The following BCKDHB variants were observed in gnomAD, a reference collection of about 807,000 sequenced individuals.
BCKDHB encodes the protein 2-oxoisovalerate dehydrogenase subunit beta, mitochondrial.
A neutral mutation model predicts 48.5 loss-of-function variants in BCKDHB; 41 were observed. The observed-to-expected ratio is 0.85, with a 90% CI of 0.66 to 1.10. The LOEUF (loss-of-function observed/expected upper bound fraction) is 1.10, where lower values mean the gene tolerates loss of function less well. Ranked by LOEUF, BCKDHB falls within the 50% of genes least tolerant of loss-of-function variation. The pLI, the probability that BCKDHB is intolerant of heterozygous loss-of-function variation, is 0.00. For missense variants in BCKDHB, 496 were observed against 494.2 expected (o/e 1.00, Z -0.03); for synonymous variants, 201 against 174.8 (o/e 1.15, Z -1.18).
intron 6 of BCKDHB, among the ~76,000 whole-genome samples, chr6:80,189,658 C>T (rs1433501794): frequency 6.6e-6 from 1 of 151,940 alleles, no homozygotes; most frequent in Non-Finnish European, 1.5e-5. Flanking sequence ...TTAGGTCTGC[C>T]CATACTTAGA....
chr6:80,192,978 C>T (rs1004378781), intron 6 of BCKDHB, among the ~76,000 whole-genome samples: 1 of 151,998 alleles, frequency 6.6e-6, no homozygotes, highest in Non-Finnish European at 1.5e-5. Flanking sequence ...GCCACCATGC[C>T]TGGCTAATTT....
the BCKDHB span, among the ~76,000 whole-genome samples, chr6:80,406,476 T>G: frequency 6.6e-6 from 1 of 152,224 alleles, no homozygotes; most frequent in Non-Finnish European, 1.5e-5. Flanking sequence ...CCACCAACAG[T>G]GTAAAAGCAT....
At chr6:80,223,068 T>A (rs1264356221) in intron 8 of BCKDHB, among the ~76,000 whole-genome samples, 2 of 152,024 alleles carry the variant, frequency 1.3e-5, no homozygotes, top group East Asian at 3.9e-4. Flanking sequence ...AAAAGAAAAA[T>A]CTGTTAAAAG....
chr6:80,383,645 C>T, the BCKDHB span, among the ~76,000 whole-genome samples: 1 of 151,526 alleles, frequency 6.6e-6, no homozygotes, highest in African/African-American at 2.4e-5. Flanking sequence ...TTCAAAATAT[C>T]CAATCTCTTG....
chr6:80,378,647 A>G, the BCKDHB span, among the ~76,000 whole-genome samples: 1 of 152,080 alleles, frequency 6.6e-6, no homozygotes, highest in Non-Finnish European at 1.5e-5. Flanking sequence ...CTTTAGGTAG[A>G]TACCCAGTAG....
chr6:80,178,298 T>C (rs1373151938), intron 6 of BCKDHB, among the ~76,000 whole-genome samples: 1 of 152,230 alleles, frequency 6.6e-6, no homozygotes, highest in Non-Finnish European at 1.5e-5. Flanking sequence ...CTCCATTTAA[T>C]CTCATTTTAA....
intron 9 of BCKDHB, among the ~76,000 whole-genome samples, chr6:80,341,811 A>T (rs3805852): frequency 0.78 from 117,986 of 152,056 alleles, 46,148 homozygotes; most frequent in Admixed American, 0.84. Context: ...AAAACAGCCC[A>T]GTGTCAGCTA....
chr6:80,402,278 T>C, the BCKDHB span, among the ~76,000 whole-genome samples: 4 of 151,836 alleles, frequency 2.6e-5, no homozygotes, highest in African/African-American at 9.7e-5. Flanking sequence ...ATCAATACTT[T>C]TTATCTTTTG....
At position 80,335,032 on chromosome 6, in the gene BCKDHB, T is replaced by G. The variant is rs545011032; in HGVS notation, c.1039-8632T>G. Among the ~76,000 whole-genome samples, 7 of 151,980 alleles carry G rather than the reference T, an allele frequency of 4.6e-5. No homozygotes were observed. The South Asian group carries it at 1.5e-3, about 32-fold the overall frequency. Reference sequence around the variant, plus strand: ...TTCGTTTTGTAATTAGTCTTCAAACTTAAAAACAGGTTGCAAAATTGGGAC... The same window carrying G: ...TTCGTTTTGTAATTAGTCTTCAAACGTAAAAACAGGTTGCAAAATTGGGAC... On this transcript the variant is annotated intron_variant, in intron 9 of 9. Coordinates refer to ENST00000320393, the MANE Select transcript of BCKDHB (RefSeq NM_183050.4).
chr6:80,413,401 AT>A, the BCKDHB span, among the ~76,000 whole-genome samples: 2 of 152,302 alleles, frequency 1.3e-5, no homozygotes, highest in African/African-American at 4.8e-5. Context: ...TCATTCACAT[AT>A]TAAGTCCAGA....
At chr6:80,426,746 G>C in the BCKDHB span, among the ~76,000 whole-genome samples, 2 of 151,988 alleles carry the variant, frequency 1.3e-5, no homozygotes, top group Non-Finnish European at 2.9e-5. Context: ...CCAGAATATA[G>C]TTTATTTTGT....
At chr6:80,118,878 G>A (rs1402317551) in intron 1 of BCKDHB, among the ~76,000 whole-genome samples, 4 of 152,142 alleles carry the variant, frequency 2.6e-5, no homozygotes, top group Admixed American at 2.6e-4. Context: ...CTCATCCATT[G>A]AAGTTTTATC....
chr6:80,322,873 A>G (rs1768806950), intron 9 of BCKDHB, among the ~76,000 whole-genome samples: 1 of 141,738 alleles, frequency 7.1e-6, no homozygotes, highest in Non-Finnish European at 1.5e-5. Context: ...TCTCCTAATG[A>G]TTCTTCTTTT....
chr6:80,443,449 G>A, the BCKDHB span: 2 of 151,986 alleles, frequency 1.3e-5, no homozygotes, highest in South Asian at 2.1e-4. Flanking sequence ...ATTGTCCATG[G>A]GGCAAGAAAC....
intron 3 of BCKDHB, among the ~76,000 whole-genome samples, chr6:80,145,842 C>T (rs1258304249): frequency 1.3e-5 from 2 of 152,118 alleles, no homozygotes; most frequent in Non-Finnish European, 2.9e-5. Context: ...CAGGCTTTGT[C>T]TAGGCTAAGG....
intron 9 of BCKDHB, among the ~76,000 whole-genome samples, chr6:80,323,807 C>T (rs906958274): frequency 2.6e-5 from 4 of 152,318 alleles, no homozygotes; most frequent in East Asian, 1.9e-4. Flanking sequence ...GAATCTCGCT[C>T]TGTTGCCCAG....
At chr6:80,204,678 T>C (rs889749639) in intron 8 of BCKDHB, among the ~76,000 whole-genome samples, 1 of 152,000 alleles carries the variant, frequency 6.6e-6, no homozygotes, top group Non-Finnish European at 1.5e-5. Flanking sequence ...TATATATATA[T>C]AAATAATACC....
At chr6:80,107,488 C>T (rs1202708113) in intron 1 of BCKDHB, among the ~76,000 whole-genome samples, 16 of 133,060 alleles carry the variant, frequency 1.2e-4, no homozygotes, top group South Asian at 2.4e-4. Context: ...TATATATACG[C>T]GCATATATAT....
intron 3 of BCKDHB, among the ~76,000 whole-genome samples, chr6:80,138,728 A>G (rs975979738): frequency 5.3e-5 from 8 of 152,124 alleles, no homozygotes; most frequent in African/African-American, 1.4e-4. Context: ...AGTCTTTGCT[A>G]TTGTGAATAG....
Sources: gnomAD v4.1 joint callset for allele counts (sites outside exome capture counted in the v4.1 genomes callset) on GRCh38, gnomAD v4.1.1 for gene constraint, MANE v1.5 for transcripts, NCBI Gene and HGNC (gene_info 2026-07-23, HGNC 2026-07-21) for gene names.